Variants in QNG1 observed in about 807,000 individuals in gnomAD.
QNG1 encodes the protein Q-nucleotide N-glycosylase 1.
At chr9:83,944,672 T>TACATATACTATGAACAATAA in the QNG1 span, 1 of 708,430 alleles carries the variant, frequency 1.4e-6, no homozygotes, top group Non-Finnish European at 2.3e-6. Context: ...TTTTCCTTTT[T>TACATATACTATGAACAATAA]ACATATACTA....
the QNG1 span, chr9:83,956,149 A>C: frequency 6.2e-7 from 1 of 1,606,208 alleles, no homozygotes; most frequent in South Asian, 1.1e-5. Context: ...GTCCGATGGC[A>C]AGTATGGCAC....
chr9:83,941,953 A>G, the QNG1 span, among the ~76,000 whole-genome samples: 15 of 152,138 alleles, frequency 9.9e-5, no homozygotes, highest in Non-Finnish European at 1.8e-4. Context: ...AGGAGACACA[A>G]GGATAAGAAG....
the QNG1 span, chr9:83,956,344 G>A: frequency 6.2e-7 from 1 of 1,612,800 alleles, no homozygotes; most frequent in Non-Finnish European, 8.5e-7. Flanking sequence ...TTCAGCTCAT[G>A]AAGGGCTTTC....
the QNG1 span, chr9:83,953,871 A>T: frequency 1.5e-6 from 2 of 1,352,652 alleles, no homozygotes; most frequent in Non-Finnish European, 2.1e-6. Context: ...AACACAAAAT[A>T]TATATACAGT....
chr9:83,941,366 G>A, the QNG1 span, among the ~76,000 whole-genome samples: 1 of 152,202 alleles, frequency 6.6e-6, no homozygotes, highest in African/African-American at 2.4e-5. Flanking sequence ...AGGTCATACT[G>A]GATTAGGATC....
At chr9:83,951,988 T>C in the QNG1 span, among the ~76,000 whole-genome samples, 863 of 152,266 alleles carry the variant, frequency 5.7e-3, 3 homozygotes, top group Non-Finnish European at 9.7e-3. Flanking sequence ...AATTGTTTAT[T>C]TTTATTTATT....
the QNG1 span, among the ~76,000 whole-genome samples, chr9:83,947,653 G>A: frequency 1.3e-5 from 2 of 152,208 alleles, no homozygotes; most frequent in Admixed American, 1.3e-4. Context: ...GCCTGGGATT[G>A]CAGGCGCTCG....
At chr9:83,956,718 C>T in the QNG1 span, 14 of 427,406 alleles carry the variant, frequency 3.3e-5, no homozygotes, top group Non-Finnish European at 5.8e-5. Flanking sequence ...GGGCAGCTCG[C>T]TGGGCAGAGG....
the QNG1 span, chr9:83,953,934 G>A: frequency 2.4e-4 from 206 of 864,190 alleles, no homozygotes; most frequent in African/African-American, 2.5e-3. Context: ...ATTCTGTCTC[G>A]TCTAGGCTGG....
the QNG1 span, among the ~76,000 whole-genome samples, chr9:83,951,602 A>T: frequency 6.6e-6 from 1 of 152,198 alleles, no homozygotes; most frequent in Non-Finnish European, 1.5e-5. Context: ...ATAAAATGTT[A>T]TCTATTGAAA....
chr9:83,956,634 C>A, the QNG1 span: 2 of 701,168 alleles, frequency 2.9e-6, no homozygotes, highest in South Asian at 2.4e-5. Context: ...GGAGTGGCAC[C>A]GAGAACTTAG....
the QNG1 span, chr9:83,956,327 C>T: frequency 1.2e-6 from 2 of 1,613,790 alleles, no homozygotes; most frequent in South Asian, 1.1e-5. Flanking sequence ...CGTCGGCCGC[C>T]CTGGGGTTCA....
chr9:83,947,077 A>G, the QNG1 span, among the ~76,000 whole-genome samples: 3 of 151,966 alleles, frequency 2.0e-5, no homozygotes, highest in African/African-American at 7.3e-5. Flanking sequence ...AAAAAACAAC[A>G]CCCCAAAAAC....
chr9:83,939,727 A>C, the QNG1 span: 1 of 1,613,946 alleles, frequency 6.2e-7, no homozygotes, highest in Middle Eastern at 1.6e-4. Context: ...GCCTGTCTCC[A>C]TATGAGAGCA....
chr9:83,938,417 G>A, the QNG1 span: 1 of 151,968 alleles, frequency 6.6e-6, no homozygotes, highest in African/African-American at 2.4e-5. Flanking sequence ...AAAACCCACT[G>A]TCATTACCAA....
At chr9:83,949,447 C>T in the QNG1 span, among the ~76,000 whole-genome samples, 2 of 152,048 alleles carry the variant, frequency 1.3e-5, no homozygotes, top group Non-Finnish European at 2.9e-5. Context: ...AGTTTGAAAC[C>T]AGCCTGACCA....
the QNG1 span, among the ~76,000 whole-genome samples, chr9:83,947,082 A>C: frequency 6.6e-6 from 1 of 152,124 alleles, no homozygotes; most frequent in African/African-American, 2.4e-5. Context: ...ACAACACCCC[A>C]AAAACACTCT....
At chr9:83,946,966 C>A in the QNG1 span, among the ~76,000 whole-genome samples, 1,675 of 151,840 alleles carry the variant, frequency 0.011, 14 homozygotes, top group Middle Eastern at 0.048. Context: ...AGCTACTCAC[C>A]AGGCTGAGGC....
At chr9:83,939,425 A>G in the QNG1 span, 1 of 881,328 alleles carries the variant, frequency 1.1e-6, no homozygotes, top group Non-Finnish European at 1.8e-6. Flanking sequence ...AACCTCGATC[A>G]TGTTCTCTAA....
Sources: allele counts gnomAD v4.1 joint callset (sites outside exome capture counted in the v4.1 genomes callset), GRCh38; gene constraint gnomAD v4.1.1; transcripts MANE v1.5; gene names NCBI Gene and HGNC (gene_info 2026-07-23, HGNC 2026-07-21).